The following ABRAXAS1 variants were observed in gnomAD, a reference collection of about 807,000 sequenced individuals.
The protein encoded by ABRAXAS1 is abraxas 1, BRCA1 A complex subunit.
Under a neutral mutation model 38.4 loss-of-function variants are expected in ABRAXAS1, and 26 were observed. The ratio of observed to expected loss-of-function variants is 0.68; its 90% CI spans 0.50 to 0.94. ABRAXAS1 has a LOEUF of 0.94. Ranked by LOEUF, ABRAXAS1 falls within the 40% of genes least tolerant of loss-of-function variation. ABRAXAS1 has a pLI of 0.00. For missense variants in ABRAXAS1, 438 were observed against 481.9 expected, an observed-to-expected ratio of 0.91 and a Z score of 0.85; for synonymous variants, 144 against 165.5, an observed-to-expected ratio of 0.87 and a Z score of 1.00.
At chr4:83,471,416 G>A (rs1344982183) in intron 4 of ABRAXAS1, among the ~76,000 whole-genome samples, 4 of 151,488 alleles carry the variant, frequency 2.6e-5, no homozygotes, top group Admixed American at 1.3e-4. Flanking sequence ...CACCGTGTTG[G>A]TCAGGCTGGT....
chr4:83,483,823 C>T (rs1213649340), intron 1 of ABRAXAS1, among the ~76,000 whole-genome samples: 2 of 152,136 alleles, frequency 1.3e-5, no homozygotes, highest in East Asian at 1.9e-4. Context: ...AGGTACTTCC[C>T]AAGGGCTAAT....
At chr4:83,464,800 C>T (rs182416892) in intron 7 of ABRAXAS1, among the ~76,000 whole-genome samples, 36 of 152,256 alleles carry the variant, frequency 2.4e-4, no homozygotes, top group African/African-American at 7.5e-4. Flanking sequence ...TCTGGCCTGC[C>T]AGTGGATGAA....
At chr4:83,471,179 T>C (rs1421223593) in intron 4 of ABRAXAS1, among the ~76,000 whole-genome samples, 2 of 148,660 alleles carry the variant, frequency 1.3e-5, no homozygotes, top group African/African-American at 4.9e-5. Context: ...ACATATTTGT[T>C]GAAAGAAACA....
At chr4:83,463,875 A>C (rs1252106145) in intron 7 of ABRAXAS1, 1 of 221,320 alleles carries the variant, frequency 4.5e-6, no homozygotes, top group Non-Finnish European at 8.8e-6. Flanking sequence ...CTGAAAATAT[A>C]CAGAAATAAA....
intron 6 of ABRAXAS1, among the ~76,000 whole-genome samples, chr4:83,467,900 C>T (rs1394937126): frequency 1.3e-5 from 2 of 152,136 alleles, no homozygotes; most frequent in African/African-American, 4.8e-5. Context: ...ATTCAAGTTA[C>T]CTTTACTTGA....
In ABRAXAS1 at chr4:83,476,692, G is replaced by C. The variant is rs1222386213; in HGVS notation, c.179-13C>G. ...TATTTCTGAATGTCTGGAAGAAAAG[G>C]ATTTTTAGTTATGATTACATTAATT... On this transcript the variant is annotated splice_polypyrimidine_tract_variant and intron_variant, in intron 2 of 8. Transcript: ENST00000321945. 6.6e-7 allele frequency: 1 copy of C among 1,526,256 alleles called. No homozygotes were observed. The highest frequency in any genetic ancestry group is 1.7e-5 in the Admixed American group (1 of 59,466). 94.5% of individuals were successfully genotyped at this position (1,526,256 alleles called of 1,614,324 possible).
intron 5 of ABRAXAS1, 117 bp from the exon 6 acceptor site, chr4:83,469,268 C>G: frequency 1.2e-6 from 1 of 834,964 alleles, no homozygotes; most frequent in South Asian, 1.7e-5. Flanking sequence ...CCCCAAAACC[C>G]ATTCTTTACT....
chr4:83,468,742 G>GCACA, intron 6 of ABRAXAS1, among the ~76,000 whole-genome samples: 1 of 152,152 alleles, frequency 6.6e-6, no homozygotes, highest in African/African-American at 2.4e-5. Flanking sequence ...GTTTTGCTGT[G>GCACA]TTGCCCAGGC....
At chr4:83,480,302 G>A in intron 2 of ABRAXAS1, 1 of 371,812 alleles carries the variant, frequency 2.7e-6, no homozygotes, top group Non-Finnish European at 5.3e-6. Flanking sequence ...ACCTCGAGAG[G>A]CAGAGGTTGC....
At chr4:83,466,178 A>T (rs1209122637) in intron 7 of ABRAXAS1, among the ~76,000 whole-genome samples, 1 of 151,972 alleles carries the variant, frequency 6.6e-6, no homozygotes, top group Non-Finnish European at 1.5e-5. Context: ...ACTCTTCCTA[A>T]CCACTTGTCT....
rs756109273 is a variant in ABRAXAS1, at chr4:83,461,044, T to C, written c.*1425A>G. On this transcript the variant is annotated 3_prime_UTR_variant, in exon 9 of 9. Coordinates refer to ENST00000321945, the MANE Select transcript of ABRAXAS1 (RefSeq NM_139076.3). The stretch of plus-strand genomic sequence containing the variant: ...AGCTCAAATAATGGGTAAGAAAGAA[T>C]ACCTCAACAACTGAATTGAGCTAGC... The C allele has an allele frequency of 3.1e-6, 5 of 1,608,162 alleles. No individual in the cohort carries two copies. Among genetic ancestry groups the C allele is most frequent in the Middle Eastern group, 1.7e-4 (1 of 6,050 alleles).
Position 83,461,224 on chromosome 4 carries a change from T to G in ABRAXAS1, c.*1245A>C. On this transcript the variant is annotated 3_prime_UTR_variant, in exon 9 of 9. Coordinates refer to ENST00000321945, the MANE Select transcript of ABRAXAS1 (RefSeq NM_139076.3). ...TTCTATCACGTTACCACTAATAAAC[T>G]TATTTTACAGTAAGTGGTTGTATGA... The G allele has an allele frequency of 6.3e-7, 1 of 1,596,276 alleles. No individual in the cohort carries two copies. Among genetic ancestry groups the G allele is most frequent in the Non-Finnish European group, 8.6e-7 (1 of 1,165,914 alleles).
At chr4:83,484,176 G>A (rs955794285) in intron 1 of ABRAXAS1, 2 of 984,614 alleles carry the variant, frequency 2.0e-6, no homozygotes, top group Non-Finnish European at 2.4e-6. Context: ...CCTATATTAA[G>A]GCAATTTTGA....
chr4:83,468,958 G>T (rs2110038537), intron 6 of ABRAXAS1, 74 bp downstream of exon 6: 2 of 1,531,690 alleles, frequency 1.3e-6, no homozygotes, highest in Middle Eastern at 2.4e-4. Context: ...TTTTTATTCT[G>T]CTGTTGTTTG....
rs781067220 is a variant in ABRAXAS1, at chr4:83,459,837, G to A, written c.*2632C>T. ...ATTATGGGAATATAAATGTAGATAC[G>A]AATTATATCAATCTATTTCTATCAT... On this transcript the variant is annotated 3_prime_UTR_variant, in exon 9 of 9. Transcript: ENST00000321945. The A allele has an allele frequency of 1.0e-5, 15 of 1,463,344 alleles. No homozygotes were observed. The highest frequency in any genetic ancestry group is 5.6e-5 in the African/African-American group (4 of 70,906). 90.6% of individuals were successfully genotyped at this position (1,463,344 alleles called of 1,614,324 possible). A position where few individuals can be genotyped will look rare whatever the true frequency, so the allele number is the denominator to read the frequency against.
rs1300823245 is a variant in ABRAXAS1, at chr4:83,459,677, T to C, written c.*2792A>G. On this transcript the variant is annotated 3_prime_UTR_variant, in exon 9 of 9. Coordinates refer to ENST00000321945, the MANE Select transcript of ABRAXAS1 (RefSeq NM_139076.3). Reference sequence around the variant, plus strand: ...TAACCTGAAGGTTGTTTTTTGAAATTTACACATTCAGAAATAAATAACAGA... The same window carrying C: ...TAACCTGAAGGTTGTTTTTTGAAATCTACACATTCAGAAATAAATAACAGA... The C allele has an allele frequency of 1.4e-6, 2 of 1,455,368 alleles. No homozygotes were observed. The highest frequency in any genetic ancestry group is 1.9e-5 in the Admixed American group (1 of 51,770). The allele number at this position is 1,455,368 out of a possible 1,614,324, so 90.2% of individuals were successfully genotyped here. A position where few individuals can be genotyped will look rare whatever the true frequency, so the allele number is the denominator to read the frequency against.
intron 1 of ABRAXAS1, among the ~76,000 whole-genome samples, chr4:83,482,612 C>T (rs1029801354): frequency 3.3e-5 from 5 of 152,054 alleles, no homozygotes; most frequent in Admixed American, 6.5e-5. Context: ...CTTGGGATGA[C>T]GTGAACCCAG....
At position 83,472,185 on chromosome 4, in the gene ABRAXAS1, A is replaced by G. The variant is rs763564922; in HGVS notation, c.282+37T>C. The G allele has an allele frequency of 9.5e-6, 13 of 1,365,972 alleles. No individual in the cohort carries two copies. The East Asian group carries it at 1.1e-4, about 11-fold the overall frequency. 84.6% of individuals were successfully genotyped at this position (1,365,972 alleles called of 1,614,324 possible). On this transcript the variant is annotated intron_variant, in intron 4 of 8. Coordinates refer to ENST00000321945, the MANE Select transcript of ABRAXAS1 (RefSeq NM_139076.3). ...TTTTTAAGAACCAAAAACAATGCAA[A>G]TAATACCAAAAAAAGGGAAGATAAA... is the stretch of plus-strand genomic sequence containing the variant.
intron 3 of ABRAXAS1, among the ~76,000 whole-genome samples, chr4:83,475,209 G>A (rs1461360464): frequency 6.6e-6 from 1 of 152,104 alleles, no homozygotes; most frequent in Non-Finnish European, 1.5e-5. Flanking sequence ...TCCTTTTTAT[G>A]AGTCTCCACT....
Sources: allele counts gnomAD v4.1 joint callset (sites outside exome capture counted in the v4.1 genomes callset), GRCh38; gene constraint gnomAD v4.1.1; transcripts MANE v1.5; gene names NCBI Gene and HGNC (gene_info 2026-07-23, HGNC 2026-07-21).